The following EMC8 variants were observed in gnomAD, a reference collection of about 807,000 sequenced individuals.
EMC8 encodes COX4 neighbor.
Under a neutral mutation model 24.3 loss-of-function variants are expected in EMC8, and 11 were observed. That is an observed-to-expected ratio of 0.45 (90% CI 0.28 to 0.75). EMC8 has a LOEUF of 0.75. Among genes scored for constraint, EMC8 ranks in the 30% least tolerant of loss-of-function variants. The pLI, the probability that EMC8 is intolerant of heterozygous loss-of-function variation, is 0.12. For synonymous variants in EMC8, 145 were observed against 117.7 expected, an observed-to-expected ratio of 1.23 and a Z score of -1.50; for missense variants, 277 against 282.7, an observed-to-expected ratio of 0.98 and a Z score of 0.14.
chr16:85,790,640 C>CCA (rs1265090804), intron 1 of EMC8, among the ~76,000 whole-genome samples: 1 of 152,112 alleles, frequency 6.6e-6, no homozygotes, highest in Non-Finnish European at 1.5e-5. Context: ...CACCGTGCTC[C>CCA]CAGCCTTCAT....
Position 85,789,056 on chromosome 16 carries a change from A to C in EMC8, c.232-6T>G, listed in dbSNP as rs757799105. ...TCTTTGCACCATGAATCAATCTGAA[A>C]GAGGAACAAAAATTGGGAAAAGATG... is the stretch of plus-strand genomic sequence containing the variant. On this transcript the variant is annotated splice_polypyrimidine_tract_variant and splice_region_variant and intron_variant, in intron 1 of 4. Transcript: ENST00000253457. 1.2e-5 allele frequency: 20 copies of C among 1,608,144 alleles called. No homozygotes were observed. The highest frequency in any genetic ancestry group is 1.7e-5 in the Non-Finnish European group (20 of 1,174,636).
At chr16:85,795,937 G>A (rs902461454) in intron 1 of EMC8, among the ~76,000 whole-genome samples, 2 of 152,040 alleles carry the variant, frequency 1.3e-5, no homozygotes, top group African/African-American at 4.8e-5. Flanking sequence ...TGGTGTGTGG[G>A]GAAACTCCTA....
rs369701537 is a variant in EMC8 at position 85,781,175 on chromosome 16, C to T, written c.378+36G>A. On this transcript the variant is annotated intron_variant, in intron 3 of 4. Coordinates refer to ENST00000253457, the MANE Select transcript of EMC8 (RefSeq NM_006067.5). ...AGCTCCAGGTTGGTGAGAGGAGGCGCAAGGGCCTCCCACATGCTGCACAGA... is the reference window on the plus strand; with the variant it reads ...AGCTCCAGGTTGGTGAGAGGAGGCGTAAGGGCCTCCCACATGCTGCACAGA... 6 of 1,545,864 alleles carry T rather than the reference C, an allele frequency of 3.9e-6. No homozygotes were observed. In the African/African-American group the frequency reaches 5.4e-5, roughly 14 times the overall value.
chr16:85,782,305 C>G (rs1567826519), intron 2 of EMC8, among the ~76,000 whole-genome samples: 1 of 152,254 alleles, frequency 6.6e-6, no homozygotes, highest in Non-Finnish European at 1.5e-5. Context: ...TGAGCCTCCA[C>G]TGCTGGCTCT....
intron 4 of EMC8, chr16:85,780,129 A>T: frequency 1.7e-6 from 1 of 600,140 alleles, no homozygotes; most frequent in South Asian, 2.0e-5. Flanking sequence ...CCACAGATAC[A>T]TCAAAGCACA....
chr16:85,779,874 G>C lies in EMC8; in HGVS notation c.474-7C>G. 6.2e-7 allele frequency: 1 copy of C among 1,613,610 alleles called. No individual in the cohort carries two copies. Among genetic ancestry groups the C allele is most frequent in the Non-Finnish European group, 8.5e-7 (1 of 1,179,712 alleles). ...CCAGTCTTCACAGTAGTCACTACGG[G>C]TCAAACATGAAGAAGTCAGCATCTA... On this transcript the variant is annotated splice_polypyrimidine_tract_variant and splice_region_variant and intron_variant, in intron 4 of 4. Coordinates refer to ENST00000253457, the MANE Select transcript of EMC8 (RefSeq NM_006067.5).
intron 1 of EMC8, among the ~76,000 whole-genome samples, chr16:85,794,858 G>C (rs3829503): frequency 0.056 from 8,476 of 152,290 alleles, 404 homozygotes; most frequent in East Asian, 0.27. Flanking sequence ...CTGTAACTAG[G>C]AATGAGGCGC....
intron 3 of EMC8, 73 bp downstream of exon 3, chr16:85,781,138 C>A: frequency 9.2e-7 from 1 of 1,082,512 alleles, no homozygotes. Context: ...GAAAGGAAAC[C>A]GCCGCAGAGC....
intron 1 of EMC8, among the ~76,000 whole-genome samples, chr16:85,798,041 G>A (rs9673646): frequency 6.7e-6 from 1 of 149,698 alleles, no homozygotes; most frequent in Non-Finnish European, 1.5e-5. Flanking sequence ...CAATAAAGCT[G>A]TCATTGCAAA....
At chr16:85,783,160 G>A (rs143665913) in intron 2 of EMC8, among the ~76,000 whole-genome samples, 2 of 152,166 alleles carry the variant, frequency 1.3e-5, no homozygotes, top group African/African-American at 4.8e-5. Flanking sequence ...AAAACTAGCT[G>A]GGTGTGGTGA....
intron 2 of EMC8, chr16:85,781,559 C>G: frequency 3.1e-6 from 1 of 322,188 alleles, no homozygotes; most frequent in Non-Finnish European, 5.9e-6. Context: ...TCCTGAGTAG[C>G]TGGGACTATA....
At chr16:85,798,703 C>T (rs1905402337) in intron 1 of EMC8, 1 of 239,190 alleles carries the variant, frequency 4.2e-6, no homozygotes, top group Non-Finnish European at 8.1e-6. Flanking sequence ...ATTAATGTCC[C>T]AACAACGTGA....
chr16:85,795,059 T>C (rs933928822), intron 1 of EMC8, among the ~76,000 whole-genome samples: 6 of 152,126 alleles, frequency 3.9e-5, no homozygotes, highest in African/African-American at 1.4e-4. Flanking sequence ...TTTAACTCTG[T>C]CAAGTACTGC....
At chr16:85,781,537 C>G in intron 2 of EMC8, 2 of 406,618 alleles carry the variant, frequency 4.9e-6, no homozygotes, top group Non-Finnish European at 9.0e-6. Context: ...CTCAAGCAAT[C>G]CCACCTCTGC....
chr16:85,781,097 T>G (rs574375873), intron 3 of EMC8, 114 bp downstream of exon 3: 1 of 733,134 alleles, frequency 1.4e-6, no homozygotes, highest in Non-Finnish European at 2.4e-6. Flanking sequence ...GGCAATGGTC[T>G]CAAGCAGATA....
intron 2 of EMC8, among the ~76,000 whole-genome samples, chr16:85,785,514 G>A (rs967337723): frequency 2.6e-5 from 4 of 152,164 alleles, no homozygotes; most frequent in Non-Finnish European, 4.4e-5. Context: ...AGGTTGCATT[G>A]AGGCGAGATC....
At position 85,798,878 on chromosome 16, in the gene EMC8, A is replaced by G. The variant is rs1012759609; in HGVS notation, c.231+187T>C. 2.2e-4 allele frequency: 121 copies of G among 538,874 alleles called. No homozygotes were observed. In the East Asian group the frequency reaches 3.5e-3, roughly 16 times the overall value. The allele number at this position is 538,874 out of a possible 1,614,324, so 33.4% of individuals were successfully genotyped here. On this transcript the variant is annotated intron_variant, in intron 1 of 4. Transcript: ENST00000253457. ...CACGACGGTTAAAGTCGCTGCTACT[A>G]CGGGACGCTATTTATTCAGCGCCAA...
intron 1 of EMC8, among the ~76,000 whole-genome samples, chr16:85,798,474 T>C (rs1234125565): frequency 3.3e-5 from 5 of 152,128 alleles, no homozygotes; most frequent in Non-Finnish European, 7.3e-5. Context: ...AGATAAGTTG[T>C]TAACCATTAA....
At chr16:85,797,945 T>C (rs1417352853) in intron 1 of EMC8, among the ~76,000 whole-genome samples, 2 of 152,158 alleles carry the variant, frequency 1.3e-5, no homozygotes, top group African/African-American at 4.8e-5. Context: ...TTCCCTTCAT[T>C]GATCACCGGA....
Sources: allele counts gnomAD v4.1 joint callset (sites outside exome capture counted in the v4.1 genomes callset), GRCh38; gene constraint gnomAD v4.1.1; transcripts MANE v1.5; gene names NCBI Gene and HGNC (gene_info 2026-07-23, HGNC 2026-07-21).